The following MAST4 variants were observed in gnomAD, a reference collection of about 807,000 sequenced individuals.
MAST4 encodes the protein microtubule associated serine/threonine kinase family member 4.
Under a neutral mutation model 162.7 loss-of-function variants are expected in MAST4, and 89 were observed. The ratio of observed to expected loss-of-function variants is 0.55; its 90% CI spans 0.46 to 0.65. MAST4 has a LOEUF of 0.65. Among genes scored for constraint, MAST4 ranks in the 30% least tolerant of loss-of-function variants. MAST4 has a pLI of 0.00. For synonymous variants in MAST4, 1,479 were observed against 1,361.1 expected, an observed-to-expected ratio of 1.09 and a Z score of -1.91; for missense variants, 3,153 against 3,374.0, an observed-to-expected ratio of 0.93 and a Z score of 1.62.
chr5:67,137,042 T>C (rs1280906677), intron 19 of MAST4, among the ~76,000 whole-genome samples: 1 of 152,142 alleles, frequency 6.6e-6, no homozygotes, highest in Non-Finnish European at 1.5e-5. Flanking sequence ...TTGGAACTCT[T>C]TTTGTTTTTG....
chr5:67,128,951 A>G (rs909079448), intron 14 of MAST4, among the ~76,000 whole-genome samples: 1 of 152,170 alleles, frequency 6.6e-6, no homozygotes, highest in African/African-American at 2.4e-5. Context: ...CCCATCCAAG[A>G]CATGTTCCTT....
At chr5:67,045,225 C>G (rs749699149) in intron 4 of MAST4, among the ~76,000 whole-genome samples, 22 of 152,054 alleles carry the variant, frequency 1.4e-4, no homozygotes, top group Admixed American at 2.0e-4. Flanking sequence ...AAATATAATC[C>G]TTGTTATCAA....
chr5:66,724,898 C>A (rs1751420585), intron 1 of MAST4, among the ~76,000 whole-genome samples: 1 of 152,002 alleles, frequency 6.6e-6, no homozygotes, highest in African/African-American at 2.4e-5. Flanking sequence ...AGAAATCTTA[C>A]TAGTTGATGG....
chr5:66,733,753 C>T (rs894377447), intron 1 of MAST4, among the ~76,000 whole-genome samples: 4 of 127,026 alleles, frequency 3.1e-5, no homozygotes, highest in African/African-American at 1.3e-4. Context: ...GCCACTGCGC[C>T]CAGCCAACTT....
At chr5:66,967,638 T>C (rs1045561582) in intron 4 of MAST4, among the ~76,000 whole-genome samples, 1 of 149,050 alleles carries the variant, frequency 6.7e-6, no homozygotes, top group African/African-American at 2.5e-5. Context: ...AGGATTAGAC[T>C]ACGTTATTCT....
chr5:67,016,275 T>G (rs1567316), intron 4 of MAST4, among the ~76,000 whole-genome samples: 35,597 of 152,100 alleles, frequency 0.23, 4,393 homozygotes, highest in Non-Finnish European at 0.27. Context: ...GAGAAATTAC[T>G]TAACTGTCCC....
chr5:66,837,917 T>A lies in MAST4; in HGVS notation c.642+49123T>A, dbSNP rs1261588107. On this transcript the variant is annotated intron_variant, in intron 3 of 28. Transcript: ENST00000403625. ...ATATTTTTTTTTTTTTTTTTTTTTT[T>A]AATGTGGAGGTGTTTGGAAGGTGGA... Among the ~76,000 whole-genome samples, 143 of 123,320 alleles carry A rather than the reference T, an allele frequency of 1.2e-3. 1 individual carries two copies. The highest frequency in any genetic ancestry group is 3.5e-3 in the African/African-American group (115 of 32,652). The allele number at this position is 123,320 out of a possible 152,430, so 80.9% of individuals were successfully genotyped here. A position where few individuals can be genotyped will look rare whatever the true frequency, so the allele number is the denominator to read the frequency against.
At chr5:66,636,896 A>G (rs1745156838) in intron 1 of MAST4, among the ~76,000 whole-genome samples, 1 of 152,164 alleles carries the variant, frequency 6.6e-6, no homozygotes, top group African/African-American at 2.4e-5. Context: ...AAACATGCAG[A>G]TTATATTGTT....
At chr5:66,629,418 A>G (rs1744654173) in intron 1 of MAST4, among the ~76,000 whole-genome samples, 1 of 152,162 alleles carries the variant, frequency 6.6e-6, no homozygotes, top group African/African-American at 2.4e-5. Flanking sequence ...TCCCTTTGGA[A>G]GCCTTTTTCT....
chr5:66,942,440 C>T (rs975374783), intron 4 of MAST4, among the ~76,000 whole-genome samples: 2 of 152,080 alleles, frequency 1.3e-5, no homozygotes, highest in Admixed American at 1.3e-4. Flanking sequence ...TGACCACCTC[C>T]TTGGTCTTGG....
chr5:66,907,158 CGAGAGAGAGAGAGAGAGAGAGAGAGA>C (rs34963439), intron 4 of MAST4, among the ~76,000 whole-genome samples: 16 of 104,262 alleles, frequency 1.5e-4, no homozygotes, highest in African/African-American at 4.2e-4. Flanking sequence ...CTCAGCAAAG[CGAGAGAGAGAGAGAGAGAGAGAGAGA>C]GAGAGAGAGA....
At chr5:67,142,701 C>G (rs1770546555) in intron 21 of MAST4, 168 bp downstream of exon 21, 1 of 579,532 alleles carries the variant, frequency 1.7e-6, no homozygotes, top group Non-Finnish European at 3.1e-6. Flanking sequence ...TATAGTCTGT[C>G]CCTATCCCCT....
chr5:67,142,647 A>T, intron 21 of MAST4, 114 bp downstream of exon 21: 1 of 688,906 alleles, frequency 1.5e-6, no homozygotes, highest in Non-Finnish European at 2.5e-6. Context: ...GAGGTCTCCT[A>T]TGCTTAAACT....
chr5:66,760,167 G>T (rs1445920923), intron 2 of MAST4, among the ~76,000 whole-genome samples: 3 of 151,476 alleles, frequency 2.0e-5, no homozygotes, highest in Admixed American at 2.0e-4. Flanking sequence ...CTGGAGTGCA[G>T]TGGTGTGGCA....
chr5:66,951,630 G>GTGTGTATGTA (rs1554072448), intron 4 of MAST4, among the ~76,000 whole-genome samples: 35 of 147,228 alleles, frequency 2.4e-4, no homozygotes, highest in African/African-American at 8.4e-4. Flanking sequence ...GTGTGTGTGT[G>GTGTGTATGTA]TGTGTGTGTG....
intron 5 of MAST4, among the ~76,000 whole-genome samples, chr5:67,062,572 C>T (rs1759757506): frequency 6.6e-6 from 1 of 152,180 alleles, no homozygotes; most frequent in Non-Finnish European, 1.5e-5. Context: ...TTCAGCAAGG[C>T]AATGACCTCC....
chr5:66,774,267 G>A (rs188061424), intron 2 of MAST4, among the ~76,000 whole-genome samples: 52 of 152,332 alleles, frequency 3.4e-4, no homozygotes, highest in East Asian at 2.5e-3. Context: ...CACTGTTTCT[G>A]TCTTGGTCTT....
At position 67,164,936 on chromosome 5, in the gene MAST4, A is replaced by G; in HGVS notation, c.5757A>G (p.Gln1919=). ...GAACAGTCATGGAAAGCAATCCCCA[A>G]CAGAGAGAGGGCAGCTCCCCTAAAC... ...SPGTVMESNP[Q]QREGSSPKHQ... Residue 1919 remains glutamine, a synonymous_variant, in exon 29 of 29, where the codon CAA becomes CAG. Transcript: ENST00000403625. The surrounding 1 kb of genome is among the most constrained non-coding windows in gnomAD (Gnocchi z 5.3). 1 of 1,613,894 alleles carries G rather than the reference A, an allele frequency of 6.2e-7. No homozygotes were observed. The highest frequency in any genetic ancestry group is 8.5e-7 in the Non-Finnish European group (1 of 1,179,870).
chr5:67,124,689 T>C (rs1042453725), intron 14 of MAST4, among the ~76,000 whole-genome samples: 1 of 152,228 alleles, frequency 6.6e-6, no homozygotes, highest in African/African-American at 2.4e-5. Context: ...TATCTCAAGC[T>C]ACTTATAGGA....
Sources: allele counts gnomAD v4.1 joint callset (sites outside exome capture counted in the v4.1 genomes callset), GRCh38; gene constraint gnomAD v4.1.1; non-coding constraint Gnocchi (gnomAD v3.1); transcripts MANE v1.5; gene names NCBI Gene and HGNC (gene_info 2026-07-23, HGNC 2026-07-21).